APBA2: variants seen among roughly 807,000 people sequenced by gnomAD.
APBA2 encodes amyloid beta precursor protein binding family A member 2.
APBA2 carries 30 observed loss-of-function variants against 75.0 expected under a neutral mutation model. The ratio of observed to expected loss-of-function variants is 0.40; its 90% CI spans 0.30 to 0.54. The LOEUF (loss-of-function observed/expected upper bound fraction) is 0.54. Among genes scored for constraint, APBA2 ranks in the 20% least tolerant of loss-of-function variants. APBA2 has a pLI of 0.49. For synonymous variants in APBA2, 444 were observed against 409.6 expected (o/e 1.08, Z -1.01); for missense variants, 801 against 1,016.1 (o/e 0.79, Z 2.88).
At chr15:28,936,253 G>A (rs1443347650) in intron 2 of APBA2, among the ~76,000 whole-genome samples, 1 of 152,176 alleles carries the variant, frequency 6.6e-6, no homozygotes, top group African/African-American at 2.4e-5. Context: ...TGAGTGAGAT[G>A]TTCTAAATAG....
chr15:29,009,306 A>T (rs1237735933), intron 3 of APBA2, among the ~76,000 whole-genome samples: 1 of 152,212 alleles, frequency 6.6e-6, no homozygotes, highest in African/African-American at 2.4e-5. Flanking sequence ...GGAGTTGTTC[A>T]TGGAGACTAA....
chr15:29,053,716 T>C (rs2041722610), intron 3 of APBA2, 129 bp from the exon 4 acceptor site: 1 of 626,996 alleles, frequency 1.6e-6, no homozygotes, highest in Non-Finnish European at 2.8e-6. Flanking sequence ...GATGGCGCAC[T>C]GTTTGAACAG....
chr15:29,106,602 T>C lies in APBA2; in HGVS notation c.1705-5T>C. 1 of 1,613,124 alleles carries C rather than the reference T, an allele frequency of 6.2e-7. No homozygotes were observed. The highest frequency in any genetic ancestry group is 1.3e-5 in the African/African-American group (1 of 75,052). On this transcript the variant is annotated splice_region_variant and splice_polypyrimidine_tract_variant and intron_variant, in intron 11 of 14. Transcript: ENST00000683413. ...GCCCCTCTCACACTGCTGATCCCTT[T>C]GCAGCTGCAGCTGGAGAAGCACAAG... is the stretch of plus-strand genomic sequence containing the variant.
chr15:29,093,039 C>A, intron 6 of APBA2, 36 bp from the exon 7 acceptor site: 1 of 1,613,768 alleles, frequency 6.2e-7, no homozygotes, highest in Non-Finnish European at 8.5e-7. Context: ...GGGGACTTCT[C>A]CTCTAGGAAG....
intron 1 of APBA2, among the ~76,000 whole-genome samples, chr15:28,894,691 C>T (rs369407333): frequency 6.7e-4 from 102 of 152,190 alleles, no homozygotes; most frequent in Admixed American, 1.5e-3. Flanking sequence ...GGGTTGGGAG[C>T]GAAGCAGATG....
intron 2 of APBA2, among the ~76,000 whole-genome samples, chr15:28,941,566 G>A (rs1256235153): frequency 6.6e-6 from 1 of 151,160 alleles, no homozygotes; most frequent in African/African-American, 2.4e-5. Flanking sequence ...GACATAAAAG[G>A]CACACATAGT....
intron 14 of APBA2, among the ~76,000 whole-genome samples, chr15:29,114,967 G>A (rs1333333291): frequency 6.6e-6 from 1 of 151,436 alleles, no homozygotes; most frequent in African/African-American, 2.4e-5. Context: ...GTGAGTGGGT[G>A]TGAGGCATGG....
chr15:29,099,909 G>A (rs906912618), intron 9 of APBA2, among the ~76,000 whole-genome samples: 2 of 152,238 alleles, frequency 1.3e-5, no homozygotes, highest in Non-Finnish European at 2.9e-5. Context: ...CTGTGAAGGA[G>A]AGATGAGAAA....
chr15:29,105,721 C>G (rs1022086332), intron 11 of APBA2, among the ~76,000 whole-genome samples, 163 bp downstream of exon 11: 10 of 152,210 alleles, frequency 6.6e-5, no homozygotes, highest in Non-Finnish European at 1.0e-4. Context: ...TCCAGCTGAG[C>G]ACTTGGGTGT....
chr15:28,978,620 G>A (rs1173991275), intron 2 of APBA2, among the ~76,000 whole-genome samples: 1 of 152,228 alleles, frequency 6.6e-6, no homozygotes, highest in African/African-American at 2.4e-5. Context: ...AAATCATAGA[G>A]CTATTGTGAT....
In APBA2 at chr15:29,029,132, T is replaced by C. The variant is rs2040365328; in HGVS notation, c.-40-24713T>C. Among the ~76,000 whole-genome samples, 3 of 150,364 alleles carry C rather than the reference T, an allele frequency of 2.0e-5. No homozygotes were observed. In the South Asian group the frequency reaches 6.5e-4, roughly 32 times the overall value. ...TCTAGATTTTCTTCTAGGGTTTTTA[T>C]AGTTTTGGGTTTTACATTTAAGTCT... On this transcript the variant is annotated intron_variant, in intron 3 of 14. Coordinates refer to ENST00000683413, the MANE Select transcript of APBA2 (RefSeq NM_001353788.2).
intron 1 of APBA2, among the ~76,000 whole-genome samples, chr15:28,900,700 C>T (rs556814403): frequency 2.0e-5 from 3 of 152,266 alleles, no homozygotes; most frequent in Admixed American, 1.3e-4. Context: ...CTGGGCGGCG[C>T]CCCTGTGTGT....
chr15:29,053,789 C>T, intron 3 of APBA2, 56 bp from the exon 4 acceptor site: 1 of 1,136,242 alleles, frequency 8.8e-7, no homozygotes, highest in Non-Finnish European at 1.3e-6. Context: ...TGGCCCCACA[C>T]ATGGCTGGGC....
intron 5 of APBA2, 59 bp from the exon 6 acceptor site, chr15:29,075,996 C>A: frequency 6.6e-7 from 1 of 1,523,024 alleles, no homozygotes; most frequent in Non-Finnish European, 9.1e-7. Context: ...TAGCCTTCAC[C>A]TTGTGGGCTA....
intron 2 of APBA2, among the ~76,000 whole-genome samples, chr15:28,949,165 GTTGTTTGCATTGC>G (rs2035715215): frequency 6.6e-6 from 1 of 152,012 alleles, no homozygotes; most frequent in Non-Finnish European, 1.5e-5. Context: ...TTCATGTGCC[GTTGTTTGCATTGC>G]TGTGATACAG....
At chr15:29,050,175 A>G (rs750888703) in intron 3 of APBA2, among the ~76,000 whole-genome samples, 2 of 152,230 alleles carry the variant, frequency 1.3e-5, no homozygotes, top group Non-Finnish European at 2.9e-5. Flanking sequence ...AAGAATCTGA[A>G]TAGTATTAAA....
intron 5 of APBA2, 48 bp downstream of exon 5, chr15:29,075,049 T>C: frequency 2.2e-6 from 3 of 1,339,762 alleles, no homozygotes; most frequent in East Asian, 2.3e-5. Flanking sequence ...ACTCATCTAA[T>C]GATGGAGTGG....
intron 2 of APBA2, among the ~76,000 whole-genome samples, chr15:28,954,077 A>T (rs1467042083): frequency 6.6e-6 from 1 of 151,964 alleles, no homozygotes; most frequent in Non-Finnish European, 1.5e-5. Flanking sequence ...GGACACCTAG[A>T]CCATAGACTT....
chr15:28,904,130 T>C (rs1163193326), intron 1 of APBA2, among the ~76,000 whole-genome samples: 1 of 152,198 alleles, frequency 6.6e-6, no homozygotes, highest in African/African-American at 2.4e-5. Flanking sequence ...TATGAATTCA[T>C]TCATTGTATT....
Sources: gnomAD v4.1 joint callset for allele counts (sites outside exome capture counted in the v4.1 genomes callset) on GRCh38, gnomAD v4.1.1 for gene constraint, MANE v1.5 for transcripts, NCBI Gene and HGNC (gene_info 2026-07-23, HGNC 2026-07-21) for gene names.